The following TERB2 variants were observed in gnomAD, a reference collection of about 807,000 sequenced individuals.
The protein encoded by TERB2 is telomere repeat binding bouquet formation protein 2, also known as telomere repeats-binding bouquet formation protein 2.
Under a neutral mutation model 29.8 loss-of-function variants are expected in TERB2, and 26 were observed. The ratio of observed to expected loss-of-function variants is 0.87; its 90% CI spans 0.64 to 1.21. The LOEUF (loss-of-function observed/expected upper bound fraction) is 1.21, where lower values mean the gene tolerates loss of function less well. Ranked by LOEUF, TERB2 falls within the 50% of genes most tolerant of loss-of-function variation. TERB2 has a pLI of 0.00. For missense variants in TERB2, 240 were observed against 268.6 expected, an observed-to-expected ratio of 0.89 and a Z score of 0.74; for synonymous variants, 80 against 90.8, an observed-to-expected ratio of 0.88 and a Z score of 0.68.
intron 4 of TERB2, among the ~76,000 whole-genome samples, chr15:44,964,773 G>A (rs575160231): frequency 2.6e-5 from 4 of 152,212 alleles, no homozygotes; most frequent in South Asian, 2.1e-4. Context: ...GAATATATAC[G>A]TGGAAGGTAT....
At chr15:44,960,922 TTATATC>T (rs949079490) in intron 3 of TERB2, among the ~76,000 whole-genome samples, 11 of 152,094 alleles carry the variant, frequency 7.2e-5, no homozygotes, top group African/African-American at 2.2e-4. Context: ...CATCCTTCAT[TTATATC>T]TATATCTATA....
intron 5 of TERB2, among the ~76,000 whole-genome samples, chr15:44,967,909 T>C (rs1221098817): frequency 1.9e-5 from 2 of 102,986 alleles, no homozygotes; most frequent in African/African-American, 8.2e-5. Flanking sequence ...ATTTCCTTAA[T>C]ATACAAAGAG....
intron 6 of TERB2, among the ~76,000 whole-genome samples, chr15:44,977,141 T>G (rs1239332756): frequency 6.8e-6 from 1 of 146,200 alleles, no homozygotes; most frequent in Non-Finnish European, 1.5e-5. Flanking sequence ...CCCTAAAAAC[T>G]TCAGACTGGT....
chr15:44,964,072 G>A (rs998101726), intron 4 of TERB2, among the ~76,000 whole-genome samples: 12 of 152,132 alleles, frequency 7.9e-5, no homozygotes, highest in African/African-American at 2.4e-4. Flanking sequence ...GCCTCCCAAA[G>A]TGCTGGGATT....
intron 6 of TERB2, among the ~76,000 whole-genome samples, chr15:44,977,813 C>A (rs1453038917): frequency 6.6e-6 from 1 of 152,074 alleles, no homozygotes; most frequent in East Asian, 1.9e-4. Flanking sequence ...TTAGTAAAAG[C>A]CACAAACACT....
chr15:44,967,746 A>C (rs533358490), intron 5 of TERB2, among the ~76,000 whole-genome samples: 2 of 142,616 alleles, frequency 1.4e-5, no homozygotes, highest in East Asian at 4.1e-4. Context: ...CCAGGAGTGG[A>C]ATCAGGGGAG....
intron 2 of TERB2, among the ~76,000 whole-genome samples, chr15:44,957,179 A>C (rs917604931): frequency 3.3e-5 from 5 of 151,362 alleles, no homozygotes; most frequent in African/African-American, 9.7e-5. Context: ...GCACCACTGC[A>C]CTCCAGCCTG....
rs1343325828 is a variant in TERB2, at chr15:44,977,091, C to T, written c.524-1398C>T. Among the ~76,000 whole-genome samples, 3 of 116,262 alleles carry T rather than the reference C, an allele frequency of 2.6e-5. No homozygotes were observed. The East Asian group carries it at 1.0e-3, about 40-fold the overall frequency. The allele number at this position is 116,262 out of a possible 152,430, so 76.3% of individuals were successfully genotyped here. A position where few individuals can be genotyped will look rare whatever the true frequency, so the allele number is the denominator to read the frequency against. ...CCAGCATGGGCAACAAAATAAGACC[C>T]TGTCAAAACACACACACACACACAC... On this transcript the variant is annotated intron_variant, in intron 6 of 6. Coordinates refer to ENST00000340827, the MANE Select transcript of TERB2 (RefSeq NM_152448.3).
chr15:44,965,646 T>C (rs1369401940), intron 4 of TERB2, among the ~76,000 whole-genome samples: 1 of 146,358 alleles, frequency 6.8e-6, no homozygotes, highest in Non-Finnish European at 1.5e-5. Context: ...AGATATATAT[T>C]TTATATCTTT....
At chr15:44,966,951 C>G (rs146555936) in intron 5 of TERB2, among the ~76,000 whole-genome samples, 2 of 152,198 alleles carry the variant, frequency 1.3e-5, no homozygotes, top group African/African-American at 4.8e-5. Flanking sequence ...ATTTAAAATA[C>G]TAGCTGGGCA....
chr15:44,976,754 A>AAC (rs996875859), intron 6 of TERB2, among the ~76,000 whole-genome samples: 15 of 152,178 alleles, frequency 9.9e-5, no homozygotes, highest in African/African-American at 3.4e-4. Context: ...TTATCTGGAT[A>AAC]ACACAGGAAC....
intron 3 of TERB2, among the ~76,000 whole-genome samples, chr15:44,960,636 G>A (rs1312873357): frequency 1.3e-5 from 2 of 151,906 alleles, no homozygotes; most frequent in African/African-American, 4.8e-5. Flanking sequence ...CCTACATTCT[G>A]TTTTTGATAC....
chr15:44,964,353 TTC>T (rs1188927330), intron 4 of TERB2, among the ~76,000 whole-genome samples: 1 of 152,194 alleles, frequency 6.6e-6, no homozygotes, highest in Non-Finnish European at 1.5e-5. Flanking sequence ...CAGTTTTTTT[TTC>T]TAGGAGGTAA....
intron 5 of TERB2, among the ~76,000 whole-genome samples, chr15:44,966,841 G>C (rs1250535212): frequency 6.6e-6 from 1 of 152,176 alleles, no homozygotes; most frequent in African/African-American, 2.4e-5. Context: ...CCGCATGCTT[G>C]TAATCTCAGC....
At chr15:44,958,551 C>A (rs758048729) in intron 3 of TERB2, 39 bp downstream of exon 3, 17 of 1,537,174 alleles carry the variant, frequency 1.1e-5, no homozygotes, top group Non-Finnish European at 1.5e-5. Context: ...GTCAGACAGC[C>A]AAATCCAGCT....
chr15:44,965,275 A>C (rs1358723298), intron 4 of TERB2, among the ~76,000 whole-genome samples: 1 of 148,758 alleles, frequency 6.7e-6, no homozygotes, highest in African/African-American at 2.4e-5. Context: ...CTTTCACAGA[A>C]TATTTGGAAA....
chr15:44,957,500 C>T (rs1595473951), intron 2 of TERB2, among the ~76,000 whole-genome samples: 2 of 152,130 alleles, frequency 1.3e-5, no homozygotes, highest in South Asian at 2.1e-4. Flanking sequence ...TTGTCATTTC[C>T]CCTCATACCT....
At chr15:44,961,928 G>C (rs1390786204) in intron 4 of TERB2, among the ~76,000 whole-genome samples, 1 of 152,070 alleles carries the variant, frequency 6.6e-6, no homozygotes, top group African/African-American at 2.4e-5. Context: ...TCGAACTCTG[G>C]CCCTCAAGTG....
intron 5 of TERB2, chr15:44,971,238 A>C (rs1891962987): frequency 6.6e-6 from 1 of 152,408 alleles, no homozygotes; most frequent in South Asian, 2.1e-4. Context: ...AGCCAAAAAC[A>C]GATCGGGTTG....
Sources: gnomAD v4.1 joint callset for allele counts (sites outside exome capture counted in the v4.1 genomes callset) on GRCh38, gnomAD v4.1.1 for gene constraint, MANE v1.5 for transcripts, NCBI Gene and HGNC (gene_info 2026-07-23, HGNC 2026-07-21) for gene names.